NOL4L: variants seen among roughly 807,000 people sequenced by gnomAD.
The protein encoded by NOL4L is nucleolar protein 4-like.
Under a neutral mutation model 64.5 loss-of-function variants are expected in NOL4L, and 7 were observed. The ratio of observed to expected loss-of-function variants is 0.11; its 90% CI spans 0.06 to 0.20. The LOEUF (loss-of-function observed/expected upper bound fraction) is 0.20, where lower values mean the gene tolerates loss of function less well. NOL4L is among the 10% of genes least tolerant of loss of function. The probability of loss-of-function intolerance (pLI) is 1.00; values close to 1 mark genes in which losing one functional copy is unlikely to be tolerated. For synonymous variants in NOL4L, 413 were observed against 401.0 expected, an observed-to-expected ratio of 1.03 and a Z score of -0.36; for missense variants, 680 against 967.1, an observed-to-expected ratio of 0.70 and a Z score of 3.94.
intron 1 of NOL4L, among the ~76,000 whole-genome samples, chr20:32,558,826 G>A (rs1297480735): frequency 6.6e-6 from 1 of 152,204 alleles, no homozygotes; most frequent in Non-Finnish European, 1.5e-5. Flanking sequence ...TGTGATTTAC[G>A]TTTCGGAAGA....
intron 1 of NOL4L, among the ~76,000 whole-genome samples, chr20:32,571,491 G>T (rs1480700940): frequency 6.6e-6 from 1 of 152,216 alleles, no homozygotes; most frequent in South Asian, 2.1e-4. Flanking sequence ...ACAGGTGTGA[G>T]CCACCATGTC....
chr20:32,555,816 G>A (rs1351338571), intron 1 of NOL4L, among the ~76,000 whole-genome samples: 3 of 152,000 alleles, frequency 2.0e-5, no homozygotes, highest in East Asian at 1.9e-4. Flanking sequence ...ACTTCCAGCC[G>A]CCAGAGCTGT....
Position 32,447,528 on chromosome 20 carries a change from G to A in NOL4L, c.*68C>T, listed in dbSNP as rs2012402285. The A allele has an allele frequency of 5.3e-6, 8 of 1,516,776 alleles. No individual in the cohort carries two copies. The highest frequency in any genetic ancestry group is 2.8e-5 in the African/African-American group (2 of 72,442). The allele number at this position is 1,516,776 out of a possible 1,614,324, so 94.0% of individuals were successfully genotyped here. On this transcript the variant is annotated 3_prime_UTR_variant, in exon 11 of 11. Coordinates refer to ENST00000621426, the MANE Select transcript of NOL4L (RefSeq NM_001256798.2). ...AAAACAAAATGTACCAACTGGTGAG[G>A]CAGGAAGCCAGGTCCAGGCTGGGAC... is the stretch of plus-strand genomic sequence containing the variant.
chr20:32,562,511 C>T (rs1410478312), intron 1 of NOL4L, among the ~76,000 whole-genome samples: 1 of 152,168 alleles, frequency 6.6e-6, no homozygotes, highest in East Asian at 1.9e-4. Flanking sequence ...GGGACACCCA[C>T]CCTCTGCTTA....
chr20:32,469,904 A>G (rs1412553688), intron 5 of NOL4L, among the ~76,000 whole-genome samples: 1 of 152,186 alleles, frequency 6.6e-6, no homozygotes, highest in Non-Finnish European at 1.5e-5. Flanking sequence ...GTGGCCAAGA[A>G]CCTGGAAGAG....
At chr20:32,563,432 G>A (rs1050195561) in intron 1 of NOL4L, among the ~76,000 whole-genome samples, 1 of 151,918 alleles carries the variant, frequency 6.6e-6, no homozygotes, top group Non-Finnish European at 1.5e-5. Context: ...ATAGAGGACC[G>A]AAAGGAGATT....
At chr20:32,505,034 G>GA (rs1401914904) in intron 4 of NOL4L, among the ~76,000 whole-genome samples, 1 of 152,244 alleles carries the variant, frequency 6.6e-6, no homozygotes, top group Non-Finnish European at 1.5e-5. Context: ...AGGAAGGAAA[G>GA]AAGGGAATCA....
Position 32,575,667 on chromosome 20 carries a change from A to G in NOL4L, c.321+8903T>C, listed in dbSNP as rs919351650. On this transcript the variant is annotated intron_variant, in intron 1 of 10. Transcript: ENST00000621426. ...TGGGTCCTGGGGACACGGCAGCAAA[A>G]AAACACAGACGCAGTCCGCCCTGCT... 1.3e-4 allele frequency among the ~76,000 whole-genome samples: 20 copies of G among 152,210 alleles called. 1 individual carries two copies. Among genetic ancestry groups the G allele is most frequent in the African/African-American group, 4.6e-4 (19 of 41,462 alleles).
intron 2 of NOL4L, among the ~76,000 whole-genome samples, chr20:32,525,712 C>T (rs2018108079): frequency 6.6e-6 from 1 of 152,120 alleles, no homozygotes; most frequent in Non-Finnish European, 1.5e-5. Flanking sequence ...TCCCAATCAG[C>T]TAGGACTACA....
chr20:32,471,927 T>C (rs1378505969), intron 5 of NOL4L, among the ~76,000 whole-genome samples: 1 of 152,196 alleles, frequency 6.6e-6, no homozygotes, highest in Non-Finnish European at 1.5e-5. Flanking sequence ...GCTAGTGCCA[T>C]GCCTGTACAG....
chr20:32,461,017 G>A (rs1231458121), intron 5 of NOL4L, among the ~76,000 whole-genome samples: 1 of 152,232 alleles, frequency 6.6e-6, no homozygotes, highest in African/African-American at 2.4e-5. Flanking sequence ...TGTGGGCCAC[G>A]GCTCTGCAGA....
At chr20:32,486,656 C>T (rs752685722) in intron 4 of NOL4L, 2 of 458,564 alleles carry the variant, frequency 4.4e-6, no homozygotes, top group South Asian at 3.2e-5. Flanking sequence ...AAAAAATTAT[C>T]CCCACAAATG....
chr20:32,509,803 T>G, intron 4 of NOL4L: 1 of 1,303,730 alleles, frequency 7.7e-7, no homozygotes, highest in Non-Finnish European at 1.0e-6. Flanking sequence ...CTGGATTTAG[T>G]GCCATTCTGT....
At chr20:32,553,074 C>T (rs1978409516) in intron 1 of NOL4L, among the ~76,000 whole-genome samples, 1 of 152,150 alleles carries the variant, frequency 6.6e-6, no homozygotes, top group African/African-American at 2.4e-5. Context: ...TCCTCAGATT[C>T]CTCACACAGG....
intron 1 of NOL4L, chr20:32,535,915 T>C (rs1281319038): frequency 3.1e-5 from 31 of 985,478 alleles, no homozygotes; most frequent in Non-Finnish European, 3.6e-5. Context: ...GGCCAGGGTC[T>C]GGGCCTGGCT....
chr20:32,478,265 ACACACACACTCT>A (rs1568634044), intron 4 of NOL4L, among the ~76,000 whole-genome samples: 1 of 127,890 alleles, frequency 7.8e-6, no homozygotes, highest in East Asian at 9.9e-4. Flanking sequence ...ACACACACAC[ACACACACACTCT>A]CTCTCTCTCT....
At chr20:32,483,286 A>T in intron 4 of NOL4L, 1 of 875,900 alleles carries the variant, frequency 1.1e-6, no homozygotes, top group Non-Finnish European at 1.4e-6. Context: ...GGCCGGCGGC[A>T]GCAGCCGGAG....
chr20:32,501,701 A>G (rs1281639900), intron 4 of NOL4L, among the ~76,000 whole-genome samples: 1 of 152,224 alleles, frequency 6.6e-6, no homozygotes, highest in East Asian at 1.9e-4. Context: ...ATGAAAACAT[A>G]AAAATACTAA....
At position 32,445,881 on chromosome 20, in the gene NOL4L, C is replaced by G. The variant is rs2012308296; in HGVS notation, c.*1715G>C. On this transcript the variant is annotated 3_prime_UTR_variant, in exon 11 of 11. Transcript: ENST00000621426. The stretch of plus-strand genomic sequence containing the variant: ...CATCCTCACTGGTGCCCCCCCCATC[C>G]CTCCTTGGGGGGAGTCTGCCACAGT... 1 of 152,088 alleles carries G rather than the reference C, an allele frequency of 6.6e-6. No individual in the cohort carries two copies. Among genetic ancestry groups the G allele is most frequent in the Non-Finnish European group, 1.5e-5 (1 of 68,034 alleles). 9.4% of individuals were successfully genotyped at this position (152,088 alleles called of 1,614,324 possible). A position where few individuals can be genotyped will look rare whatever the true frequency, so the allele number is the denominator to read the frequency against.
Sources: gnomAD v4.1 joint callset for allele counts (sites outside exome capture counted in the v4.1 genomes callset) on GRCh38, gnomAD v4.1.1 for gene constraint, MANE v1.5 for transcripts, NCBI Gene and HGNC (gene_info 2026-07-23, HGNC 2026-07-21) for gene names.